Variants in GREM2 observed in about 807,000 individuals in gnomAD.
GREM2 encodes the protein gremlin 2, DAN family BMP antagonist, also known as gremlin-2.
Under a neutral mutation model 14.2 loss-of-function variants are expected in GREM2, and 11 were observed. The ratio of observed to expected loss-of-function variants is 0.78; its 90% CI spans 0.49 to 1.28. The LOEUF (loss-of-function observed/expected upper bound fraction) is 1.28, where lower values mean the gene tolerates loss of function less well. Among genes scored for constraint, GREM2 ranks in the 50% most tolerant of loss-of-function variants. GREM2 has a pLI of 0.00. For synonymous variants in GREM2, 98 were observed against 97.6 expected, an observed-to-expected ratio of 1.00 and a Z score of -0.02; for missense variants, 210 against 218.5, an observed-to-expected ratio of 0.96 and a Z score of 0.24.
At chr1:240,593,017 G>A (rs1008270529) in intron 1 of GREM2, among the ~76,000 whole-genome samples, 1 of 151,688 alleles carries the variant, frequency 6.6e-6, no homozygotes, top group African/African-American at 2.4e-5. Flanking sequence ...GGTAGTGGGC[G>A]CCTGTAATCC....
intron 1 of GREM2, among the ~76,000 whole-genome samples, chr1:240,604,738 G>T (rs946217074): frequency 6.6e-6 from 1 of 152,178 alleles, no homozygotes; most frequent in African/African-American, 2.4e-5. Flanking sequence ...CAGGAGGCTC[G>T]CTTGAGCCCC....
intron 1 of GREM2, among the ~76,000 whole-genome samples, chr1:240,560,069 T>G (rs1572398713): frequency 6.6e-6 from 1 of 152,128 alleles, no homozygotes; most frequent in Admixed American, 6.6e-5. Context: ...GAGCATCCCT[T>G]GAGTCCAAGA....
chr1:240,514,967 A>C (rs546803830), intron 1 of GREM2, among the ~76,000 whole-genome samples: 10 of 18,962 alleles, frequency 5.3e-4, no homozygotes, highest in East Asian at 8.6e-3. Flanking sequence ...AACAAACACA[A>C]AAAAAAAACT....
At chr1:240,537,883 C>T (rs1279042677) in intron 1 of GREM2, among the ~76,000 whole-genome samples, 2 of 152,148 alleles carry the variant, frequency 1.3e-5, no homozygotes, top group African/African-American at 2.4e-5. Context: ...ATCATACATA[C>T]CATGCAAAAT....
At chr1:240,504,810 C>T (rs980178585) in intron 1 of GREM2, among the ~76,000 whole-genome samples, 1 of 151,952 alleles carries the variant, frequency 6.6e-6, no homozygotes, top group Non-Finnish European at 1.5e-5. Context: ...ATTTTTTTCA[C>T]GTCTAAGTTT....
intron 1 of GREM2, among the ~76,000 whole-genome samples, chr1:240,528,038 T>C (rs1572383550): frequency 6.6e-6 from 1 of 152,194 alleles, no homozygotes; most frequent in African/African-American, 2.4e-5. Flanking sequence ...ACAATACTTA[T>C]AATAGATAAT....
intron 1 of GREM2, among the ~76,000 whole-genome samples, chr1:240,586,554 A>G (rs531060725): frequency 6.6e-6 from 1 of 152,288 alleles, no homozygotes; most frequent in African/African-American, 2.4e-5. Flanking sequence ...TGATGCTGGT[A>G]TGTAAGGAAG....
chr1:240,598,437 C>A (rs1272264304), intron 1 of GREM2, among the ~76,000 whole-genome samples: 2 of 152,162 alleles, frequency 1.3e-5, no homozygotes, highest in Non-Finnish European at 1.5e-5. Context: ...AACCACCTGA[C>A]AGAAACATGT....
At chr1:240,586,139 T>G (rs942773810) in intron 1 of GREM2, among the ~76,000 whole-genome samples, 2 of 152,098 alleles carry the variant, frequency 1.3e-5, no homozygotes, top group African/African-American at 4.8e-5. Flanking sequence ...TTTCTCTGCC[T>G]CAACATAAGA....
intron 1 of GREM2, among the ~76,000 whole-genome samples, chr1:240,601,679 G>A (rs1312639917): frequency 6.6e-6 from 1 of 152,126 alleles, no homozygotes; most frequent in Non-Finnish European, 1.5e-5. Context: ...GGCCGAGGCG[G>A]GCATCTCTCC....
intron 1 of GREM2, among the ~76,000 whole-genome samples, chr1:240,572,459 A>G (rs1254612442): frequency 6.6e-6 from 1 of 152,242 alleles, no homozygotes; most frequent in Non-Finnish European, 1.5e-5. Context: ...TAGACAAACC[A>G]CTGGTAACTC....
chr1:240,594,475 G>A (rs1321631158), intron 1 of GREM2, among the ~76,000 whole-genome samples: 1 of 152,116 alleles, frequency 6.6e-6, no homozygotes, highest in African/African-American at 2.4e-5. Context: ...TAAGAAGACA[G>A]GAAAACTGGA....
At chr1:240,537,736 G>A (rs1383434310) in intron 1 of GREM2, among the ~76,000 whole-genome samples, 1 of 152,162 alleles carries the variant, frequency 6.6e-6, no homozygotes, top group Non-Finnish European at 1.5e-5. Context: ...AGTGAGCCGA[G>A]ATGGCGCCAC....
chr1:240,539,657 G>T (rs1678545114), intron 1 of GREM2, among the ~76,000 whole-genome samples: 1 of 152,180 alleles, frequency 6.6e-6, no homozygotes, highest in East Asian at 1.9e-4. Context: ...ATATACACAT[G>T]AAGAAATGAC....
At chr1:240,528,352 T>A (rs774567469) in intron 1 of GREM2, among the ~76,000 whole-genome samples, 1 of 152,172 alleles carries the variant, frequency 6.6e-6, no homozygotes, top group Non-Finnish European at 1.5e-5. Flanking sequence ...ACTATGTGAA[T>A]TTCATGAAGC....
chr1:240,492,973 T>C lies in GREM2; in HGVS notation c.503A>G (p.Gln168Arg), dbSNP rs1478668819. The stretch of plus-strand genomic sequence containing the variant: ...GAGCTGCGTCCGGCCCGGCGCTCAC[T>C]GCTTGTCCGAGTCGCTCAGGTTCAC... The part of the protein sequence containing the change: ...MSVNLSDSDK[Q>R] The change falls in exon 2 of 2, where the codon CAG becomes CGG. Residue 168 changes from glutamine (Q) to arginine (R), a missense_variant. Transcript: ENST00000318160. The C allele has an allele frequency of 7.8e-6, 12 of 1,537,418 alleles. No individual in the cohort carries two copies. The highest frequency in any genetic ancestry group is 1.1e-5 in the Non-Finnish European group (12 of 1,137,488).
chr1:240,545,662 C>T (rs939136424), intron 1 of GREM2, among the ~76,000 whole-genome samples: 1 of 152,142 alleles, frequency 6.6e-6, no homozygotes, highest in East Asian at 1.9e-4. Context: ...AGGGAGACAG[C>T]GTCAGAACTG....
At chr1:240,547,460 G>A (rs911154370) in intron 1 of GREM2, among the ~76,000 whole-genome samples, 26 of 143,926 alleles carry the variant, frequency 1.8e-4, no homozygotes, top group Admixed American at 3.6e-4. Context: ...AAATCACACC[G>A]CTGCACTCCA....
At chr1:240,561,732 C>T (rs575073781) in intron 1 of GREM2, among the ~76,000 whole-genome samples, 1 of 125,302 alleles carries the variant, frequency 8.0e-6, no homozygotes, top group Non-Finnish European at 1.7e-5. Flanking sequence ...ACACAAACTG[C>T]CATAGGAACT....
Sources: gnomAD v4.1 joint callset for allele counts (sites outside exome capture counted in the v4.1 genomes callset) on GRCh38, gnomAD v4.1.1 for gene constraint, MANE v1.5 for transcripts, NCBI Gene and HGNC (gene_info 2026-07-23, HGNC 2026-07-21) for gene names.